The following EIF5B variants were observed in gnomAD, a reference collection of about 807,000 sequenced individuals.
The protein encoded by EIF5B is eukaryotic translation initiation factor 5B.
In EIF5B, 47 loss-of-function variants were observed where a neutral mutation model predicts 147.5. The observed-to-expected ratio is 0.32, with a 90% CI of 0.25 to 0.41. The LOEUF (loss-of-function observed/expected upper bound fraction) is 0.41. EIF5B is among the 10% of genes least tolerant of loss of function. The probability of loss-of-function intolerance (pLI) is 1.00; values close to 1 mark genes in which losing one functional copy is unlikely to be tolerated. For missense variants in EIF5B, 1,064 were observed against 1,413.2 expected (o/e 0.75, Z 3.96); for synonymous variants, 455 against 456.2 (o/e 1.00, Z 0.03).
At chr2:99,397,691 C>T (rs1675085716) in intron 22 of EIF5B, 1 of 152,226 alleles carries the variant, frequency 6.6e-6, no homozygotes, top group African/African-American at 2.4e-5. Flanking sequence ...AGACGCCAAC[C>T]ATCTCCATTA....
intron 1 of EIF5B, among the ~76,000 whole-genome samples, chr2:99,352,475 G>A (rs1211350382): frequency 6.6e-6 from 1 of 150,944 alleles, no homozygotes; most frequent in Non-Finnish European, 1.5e-5. Context: ...GATTACAGGT[G>A]TGAGCCACCG....
At position 99,344,156 on chromosome 2, in the gene EIF5B, G is replaced by A. The variant is rs1007485368; in HGVS notation, c.35+6567G>A. On this transcript the variant is annotated intron_variant, in intron 1 of 23. Coordinates refer to ENST00000289371, the MANE Select transcript of EIF5B (RefSeq NM_015904.4). ...GGATGGGTCTCGATCTCCTGACCTC[G>A]TTATCCGCCCGCCTCGGCCTCCTGA... Among the ~76,000 whole-genome samples the A allele has an allele frequency of 7.9e-5, 12 of 152,046 alleles. No homozygotes were observed. In the East Asian group the frequency reaches 1.6e-3, roughly 20 times the overall value.
At position 99,352,152 on chromosome 2, in the gene EIF5B, T is replaced by C. The variant is rs55746037; in HGVS notation, c.36-8084T>C. On this transcript the variant is annotated intron_variant, in intron 1 of 23. Coordinates refer to ENST00000289371, the MANE Select transcript of EIF5B (RefSeq NM_015904.4). The stretch of plus-strand genomic sequence containing the variant: ...TTGTAGGCAAATCCTTTATGAGATA[T>C]ATGTATTGCATATATTTTCTCTCAC... 2.7e-3 allele frequency among the ~76,000 whole-genome samples: 416 copies of C among 152,348 alleles called. 2 individuals are homozygous for C. Among genetic ancestry groups the C allele is most frequent in the African/African-American group, 9.3e-3 (387 of 41,588 alleles).
At position 99,360,429 on chromosome 2, in the gene EIF5B, A is replaced by G. The variant is rs761668754; in HGVS notation, c.162-36A>G. 5.0e-6 allele frequency: 8 copies of G among 1,606,282 alleles called. No individual in the cohort carries two copies. The East Asian group carries it at 1.6e-4, about 31-fold the overall frequency. On this transcript the variant is annotated intron_variant, in intron 2 of 23. Transcript: ENST00000289371. ...ACTGGATTCACTTAATAAAAACTAT[A>G]CCAGTGCTTCACAATGTATTTTAAT...
rs569990068 is a variant in EIF5B at position 99,357,767 on chromosome 2, G to C, written c.36-2469G>C. Among the ~76,000 whole-genome samples the C allele has an allele frequency of 2.6e-5, 4 of 152,316 alleles. No individual in the cohort carries two copies. The South Asian group carries it at 8.3e-4, about 32-fold the overall frequency. On this transcript the variant is annotated intron_variant, in intron 1 of 23. Transcript: ENST00000289371. The stretch of plus-strand genomic sequence containing the variant: ...GCTGCTGTAGTGTGAAATGTTGCCA[G>C]AGATGCCTTTGGGGATACTCCTGGG...
At chr2:99,386,153 G>A (rs925394049) in intron 14 of EIF5B, among the ~76,000 whole-genome samples, 16 of 152,106 alleles carry the variant, frequency 1.1e-4, no homozygotes, top group South Asian at 8.3e-4. Context: ...ATATCTTTGC[G>A]AATACTCGCC....
At chr2:99,384,142 AGCCGAGATCGC>A in intron 14 of EIF5B, among the ~76,000 whole-genome samples, 1 of 141,212 alleles carries the variant, frequency 7.1e-6, no homozygotes, top group African/African-American at 2.7e-5. Flanking sequence ...GCTTGCAGTG[AGCCGAGATCGC>A]GCCACTGCAC....
chr2:99,371,125 A>C (rs1188297991), intron 8 of EIF5B: 1 of 152,240 alleles, frequency 6.6e-6, no homozygotes, highest in Non-Finnish European at 1.5e-5. Flanking sequence ...GGTTAAGTTT[A>C]ATATGTTGGC....
chr2:99,362,964 C>G (rs921293001), intron 4 of EIF5B, among the ~76,000 whole-genome samples: 1 of 151,736 alleles, frequency 6.6e-6, no homozygotes, highest in Non-Finnish European at 1.5e-5. Context: ...TCGTCATGTT[C>G]GCCAGGCTGG....
chr2:99,338,776 A>G (rs1304476082), intron 1 of EIF5B, among the ~76,000 whole-genome samples: 1 of 151,928 alleles, frequency 6.6e-6, no homozygotes, highest in Non-Finnish European at 1.5e-5. Context: ...TTTTTGATGT[A>G]TAGGGTACTT....
chr2:99,361,862 T>A (rs761389484), intron 4 of EIF5B, 42 bp downstream of exon 4: 34 of 1,482,758 alleles, frequency 2.3e-5, no homozygotes, highest in Non-Finnish European at 2.9e-5. Flanking sequence ...GGCTTTTGAT[T>A]CACAGTATAA....
chr2:99,370,003 A>G (rs1173959085), intron 8 of EIF5B, among the ~76,000 whole-genome samples: 1 of 152,142 alleles, frequency 6.6e-6, no homozygotes, highest in Non-Finnish European at 1.5e-5. Context: ...AAAGGAAGAA[A>G]GGATAGTAGG....
intron 1 of EIF5B, among the ~76,000 whole-genome samples, chr2:99,348,072 C>T (rs2105337093): frequency 6.6e-6 from 1 of 152,216 alleles, no homozygotes; most frequent in Non-Finnish European, 1.5e-5. Flanking sequence ...TACATATGAA[C>T]TTAGGGTATG....
intron 1 of EIF5B, among the ~76,000 whole-genome samples, chr2:99,341,175 A>G (rs796461739): frequency 2.6e-5 from 4 of 152,368 alleles, no homozygotes; most frequent in African/African-American, 7.2e-5. Context: ...CTAGGATTCA[A>G]TATCCACATA....
rs373018920 is a variant in EIF5B at position 99,399,066 on chromosome 2, T to G, written c.3555+157T>G. 5.7e-5 allele frequency: 53 copies of G among 930,616 alleles called. No individual in the cohort carries two copies. The East Asian group carries it at 6.1e-4, about 11-fold the overall frequency. The allele number at this position is 930,616 out of a possible 1,614,324, so 57.6% of individuals were successfully genotyped here. The stretch of plus-strand genomic sequence containing the variant: ...TGACCTCTAGCTGGGCCTTGTCTGT[T>G]GAGGAAGTTGCTCTATCAGGAAAGC... On this transcript the variant is annotated intron_variant, in intron 23 of 23. Coordinates refer to ENST00000289371, the MANE Select transcript of EIF5B (RefSeq NM_015904.4).
At position 99,360,223 on chromosome 2, in the gene EIF5B, G is replaced by A; in HGVS notation, c.36-13G>A. ...TTTAAGTAGCATTTAGGATGTTTTTGTTTTCATTTAAGCACCAAGGATGAC... is the reference window on the plus strand; with the variant it reads ...TTTAAGTAGCATTTAGGATGTTTTTATTTTCATTTAAGCACCAAGGATGAC... On this transcript the variant is annotated splice_polypyrimidine_tract_variant and intron_variant, in intron 1 of 23. Transcript: ENST00000289371. 1 of 1,568,290 alleles carries A rather than the reference G, an allele frequency of 6.4e-7. No individual in the cohort carries two copies. The highest frequency in any genetic ancestry group is 8.6e-7 in the Non-Finnish European group (1 of 1,166,302).
intron 15 of EIF5B, 49 bp downstream of exon 15, chr2:99,389,898 TA>T (rs759103943): frequency 7.1e-6 from 11 of 1,539,918 alleles, no homozygotes; most frequent in Non-Finnish European, 8.7e-6. Context: ...GAATATGTAT[TA>T]TATTATCTTT....
At chr2:99,352,749 A>G (rs544925111) in intron 1 of EIF5B, among the ~76,000 whole-genome samples, 1 of 152,034 alleles carries the variant, frequency 6.6e-6, no homozygotes, top group East Asian at 1.9e-4. Context: ...CGCTAAGATT[A>G]CAGGCGTGAG....
Position 99,401,201 on chromosome 2 carries a change from T to G in EIF5B, c.*1787T>G, listed in dbSNP as rs377140119. ...TTTGCAAATACCTCACAAGCACTTATGGCACAGCTATCAGAGAGCATCAGG... is the reference window on the plus strand; with the variant it reads ...TTTGCAAATACCTCACAAGCACTTAGGGCACAGCTATCAGAGAGCATCAGG... On this transcript the variant is annotated 3_prime_UTR_variant, in exon 24 of 24. Coordinates refer to ENST00000289371, the MANE Select transcript of EIF5B (RefSeq NM_015904.4). 2 of 1,259,698 alleles carry G rather than the reference T, an allele frequency of 1.6e-6. No homozygotes were observed. The highest frequency in any genetic ancestry group is 1.9e-4 in the Middle Eastern group (1 of 5,366). The allele number at this position is 1,259,698 out of a possible 1,614,324, so 78.0% of individuals were successfully genotyped here. A position where few individuals can be genotyped will look rare whatever the true frequency, so the allele number is the denominator to read the frequency against.
Sources: allele counts gnomAD v4.1 joint callset (sites outside exome capture counted in the v4.1 genomes callset), GRCh38; gene constraint gnomAD v4.1.1; transcripts MANE v1.5; gene names NCBI Gene and HGNC (gene_info 2026-07-23, HGNC 2026-07-21).